Variants in NBPF19 observed in about 807,000 individuals in gnomAD.
NBPF19 encodes NBPF family member NBPF19.
In NBPF19, 30 loss-of-function variants were observed where a neutral mutation model predicts 45.9. The ratio of observed to expected loss-of-function variants is 0.65; its 90% CI spans 0.49 to 0.89. NBPF19 has a LOEUF of 0.89. Among genes scored for constraint, NBPF19 ranks in the 40% least tolerant of loss-of-function variants. The pLI is 0.00. For missense variants in NBPF19, 495 were observed against 471.8 expected (o/e 1.05, Z -0.46); for synonymous variants, 183 against 181.2 (o/e 1.01, Z -0.08).
chr1:149,493,945 A>G (rs1460958059), intron 17 of NBPF19, among the ~76,000 whole-genome samples: 1 of 45,536 alleles, frequency 2.2e-5, no homozygotes, highest in African/African-American at 1.6e-4. Flanking sequence ...TGGCAACTGC[A>G]TGGAATCTTG....
rs2085908941 is a variant in NBPF19, at chr1:149,492,801, T to TA, written c.1806_1807insA (p.Glu603ArgfsTer9). Reference sequence around the variant, plus strand: ...GGGAGCTGCTGGATGAGAAAGGGCCTGAAGTCTTGCAGGACTCACTGGATA... The same window carrying TA: ...GGGAGCTGCTGGATGAGAAAGGGCCTAGAAGTCTTGCAGGACTCACTGGATA... On this transcript the variant is annotated frameshift_variant, in exon 16 of 94. Transcript: ENST00000651566. LOFTEE classifies it high-confidence loss of function. 2.9e-6 allele frequency: 1 copy of TA among 350,208 alleles called. No individual in the cohort carries two copies. The highest frequency in any genetic ancestry group is 5.2e-5 in the Admixed American group (1 of 19,342). 21.7% of individuals were successfully genotyped at this position (350,208 alleles called of 1,614,324 possible).
intron 17 of NBPF19, 86 bp from the exon 18 acceptor site, chr1:149,494,232 T>C: frequency 4.1e-6 from 1 of 246,884 alleles, no homozygotes; most frequent in Non-Finnish European, 7.1e-6. Context: ...TTTAAACAGT[T>C]CCTTATGTTA....
At chr1:149,492,519 CTCTCTG>C (rs1420167905) in intron 15 of NBPF19, among the ~76,000 whole-genome samples, 8 of 113,538 alleles carry the variant, frequency 7.0e-5, no homozygotes, top group East Asian at 6.2e-4. Context: ...AGGTCACTTT[CTCTCTG>C]TCTCTGTCTC....
chr1:149,554,707 T>C lies in NBPF19; in HGVS notation c.11501T>C (p.Val3834Ala). The stretch of plus-strand genomic sequence containing the variant: ...TTGACGGTGACAAGTCTCCATCTGG[T>C]GTTCCAGATGTTAGTCATATTCCCA... ...FTLTVTSLHL[V>A]FQMLVIFPQ Residue 3834 changes from valine (V) to alanine (A), a missense_variant, in exon 94 of 94, where the codon GTG becomes GCG. Coordinates refer to ENST00000651566, the MANE Select transcript of NBPF19 (RefSeq NM_001351365.2). The C allele has an allele frequency of 6.2e-7, 1 of 1,608,292 alleles. No homozygotes were observed. Among genetic ancestry groups the C allele is most frequent in the Non-Finnish European group, 8.5e-7 (1 of 1,176,702 alleles).
In NBPF19 at chr1:149,554,625, T is replaced by G. The variant is rs1416330562; in HGVS notation, c.11419T>G (p.Ser3807Ala). Reference protein sequence around the residue: ...SFQHYRSVFYSFEEEHISFAL... With the variant: ...SFQHYRSVFYAFEEEHISFAL... ...CCAGCACTACAGAAGTGTGTTTTAC[T>G]CATTTGAGGAAGAGCATATCAGCTT... Residue 3807 changes from serine to alanine, a missense_variant, in exon 94 of 94, where the codon TCA (serine) becomes GCA (alanine). By Grantham distance (99) the Ser-to-Ala change is moderately conservative. Transcript: ENST00000651566. 6.2e-7 allele frequency: 1 copy of G among 1,608,248 alleles called. No homozygotes were observed.
chr1:149,516,341 C>G (rs2086490045), intron 45 of NBPF19, among the ~76,000 whole-genome samples: 4 of 121,876 alleles, frequency 3.3e-5, no homozygotes, highest in African/African-American at 1.2e-4. Context: ...CTGTCTCTCT[C>G]TCTGTCTCTG....
At position 149,554,727 on chromosome 1, in the gene NBPF19, T is replaced by G; in HGVS notation, c.11521T>G (p.Phe3841Val). Residue 3841 changes from phenylalanine to valine, a missense_variant, in exon 94 of 94, where the codon TTC becomes GTC. Phe to Val is a conservative substitution (Grantham distance 50). Transcript: ENST00000651566. ...LHLVFQMLVI[F>V]PQ ...TCTGGTGTTCCAGATGTTAGTCATA[T>G]TCCCACAATAGGCAGCCCTTACTAA... The G allele has an allele frequency of 5.6e-6, 9 of 1,608,244 alleles. 1 individual carries two copies. Among genetic ancestry groups the G allele is most frequent in the Non-Finnish European group, 7.6e-6 (9 of 1,176,692 alleles).
chr1:149,528,973 G>T (rs2086921053), intron 61 of NBPF19, among the ~76,000 whole-genome samples: 2 of 132,120 alleles, frequency 1.5e-5, no homozygotes, highest in African/African-American at 3.0e-5. Context: ...GTGTGTGTGT[G>T]TGTCTATCTG....
At chr1:149,487,731 A>G (rs1481773966) in intron 9 of NBPF19, among the ~76,000 whole-genome samples, 2 of 128,402 alleles carry the variant, frequency 1.6e-5, no homozygotes, top group Admixed American at 1.6e-4. Context: ...GTGTCCTTTG[A>G]CTCCCTCATC....
Position 149,478,919 on chromosome 1 carries a change from G to T in NBPF19, c.318G>T (p.Leu106=), listed in dbSNP as rs1479268689. The change falls in exon 4 of 94, where the codon CTG becomes CTT. Residue 106 remains leucine, a synonymous_variant. Transcript: ENST00000651566. ...KVLFHSQERE[L]TQLREKLREG... is the part of the protein sequence containing the mutation. ...TGTTTCACTCTCAGGAACGAGAGCT[G>T]ACCCAGTTAAGGGAGAAGTTACGGG... 2.5e-6 allele frequency: 4 copies of T among 1,606,206 alleles called. No homozygotes were observed. The African/African-American group carries it at 4.0e-5, about 16-fold the overall frequency.
Position 149,488,065 on chromosome 1 carries a change from C to T in NBPF19, c.1093C>T (p.Leu365=). The T allele has an allele frequency of 1.0e-5, 7 of 679,254 alleles. No individual in the cohort carries two copies. Among genetic ancestry groups the T allele is most frequent in the South Asian group, 9.6e-5 (6 of 62,476 alleles). The allele number at this position is 679,254 out of a possible 1,614,324, so 42.1% of individuals were successfully genotyped here. The change falls in exon 10 of 94, where the codon CTG becomes TTG. Residue 365 remains leucine (L), a synonymous_variant. Transcript: ENST00000651566. ...AGGGCCTGAAGTCTTGCAGGACTCA[C>T]TGGATAGATGTTATTCAACTCCTTC... is the stretch of plus-strand genomic sequence containing the variant. The part of the protein sequence containing the change: ...EKGPEVLQDS[L]DRCYSTPSGC...
In NBPF19 at chr1:149,554,767, T is replaced by C; in HGVS notation, c.*29T>C. On this transcript the variant is annotated 3_prime_UTR_variant, in exon 94 of 94. Coordinates refer to ENST00000651566, the MANE Select transcript of NBPF19 (RefSeq NM_001351365.2). ...GCCCTTACTAAGCCGAGAGATGTCA[T>C]TCCTGCAGGCAGGACCTATAGGCAC... 1 of 1,607,658 alleles carries C rather than the reference T, an allele frequency of 6.2e-7. No individual in the cohort carries two copies.
At chr1:149,487,288 A>C in intron 8 of NBPF19, 44 bp from the exon 9 acceptor site, 1 of 1,425,618 alleles carries the variant, frequency 7.0e-7, no homozygotes. Flanking sequence ...TCTGTGTGCA[A>C]GGAAGAACTT....
At position 149,554,215 on chromosome 1, in the gene NBPF19, T is replaced by A. The variant is rs1367072257; in HGVS notation, c.11289-280T>A. ...GTCATGAGGGCACTAACTCAGAGTG[T>A]CCTTTTACTCCCTTACCAGTATGTC... is the stretch of plus-strand genomic sequence containing the variant. On this transcript the variant is annotated intron_variant, in intron 93 of 93. Coordinates refer to ENST00000651566, the MANE Select transcript of NBPF19 (RefSeq NM_001351365.2). Among the ~76,000 whole-genome samples, 3 of 151,114 alleles carry A rather than the reference T, an allele frequency of 2.0e-5. No homozygotes were observed. The East Asian group carries it at 5.8e-4, about 29-fold the overall frequency.
At position 149,554,611 on chromosome 1, in the gene NBPF19, G is replaced by T; in HGVS notation, c.11405G>T (p.Arg3802Ile). The T allele has an allele frequency of 1.2e-6, 2 of 1,608,294 alleles. No homozygotes were observed. Among genetic ancestry groups the T allele is most frequent in the South Asian group, 1.1e-5 (1 of 90,876 alleles). ...CTACCTGACTCATTCCAGCACTACA[G>T]AAGTGTGTTTTACTCATTTGAGGAA... ...FELPDSFQHY[R>I]SVFYSFEEEH... The change falls in exon 94 of 94, where the codon AGA (arginine) becomes ATA (isoleucine). Residue 3802 changes from arginine to isoleucine, a missense_variant. This residue lies in a region of NBPF19 where 248 missense variants were observed against 95.4 expected (regional missense o/e 2.60). Transcript: ENST00000651566.
intron 13 of NBPF19, among the ~76,000 whole-genome samples, 189 bp from the exon 14 acceptor site, chr1:149,490,950 C>T (rs1265325422): frequency 7.5e-6 from 1 of 133,490 alleles, no homozygotes; most frequent in Non-Finnish European, 1.6e-5. Flanking sequence ...GTGTGTCCAT[C>T]TGTCTCTTTC....
chr1:149,554,391 T>C (rs2087173669), intron 93 of NBPF19, 104 bp from the exon 94 acceptor site: 30 of 1,600,280 alleles, frequency 1.9e-5, no homozygotes, highest in Non-Finnish European at 1.5e-5. Context: ...GGATCTATCC[T>C]TTTTCTTTTC....
At chr1:149,477,415 C>T (rs2084908435) in intron 2 of NBPF19, among the ~76,000 whole-genome samples, 4 of 151,402 alleles carry the variant, frequency 2.6e-5, no homozygotes, top group African/African-American at 9.7e-5. Context: ...GCCTTATTGT[C>T]TTATATCTCA....
intron 6 of NBPF19, among the ~76,000 whole-genome samples, chr1:149,481,188 A>T (rs1327933199): frequency 1.7e-3 from 202 of 119,002 alleles, no homozygotes; most frequent in African/African-American, 6.9e-3. Flanking sequence ...ATCTGTGATT[A>T]AGTCATCTGT....
Sources: allele counts gnomAD v4.1 joint callset (sites outside exome capture counted in the v4.1 genomes callset), GRCh38; gene constraint gnomAD v4.1.1; regional missense constraint gnomAD v4.1.1; transcripts MANE v1.5; gene names NCBI Gene and HGNC (gene_info 2026-07-23, HGNC 2026-07-21).